Variants in PPP1R14C observed in about 807,000 individuals in gnomAD.
PPP1R14C encodes protein phosphatase 1 regulatory subunit 14C.
A neutral mutation model predicts 20.4 loss-of-function variants in PPP1R14C; 16 were observed. The observed-to-expected ratio is 0.78, with a 90% CI of 0.53 to 1.19. PPP1R14C has a LOEUF of 1.19. PPP1R14C is among the 50% of genes most tolerant of loss of function. The pLI is 0.00. For synonymous variants in PPP1R14C, 91 were observed against 91.0 expected, an observed-to-expected ratio of 1.00 and a Z score of 0.00; for missense variants, 211 against 220.1, an observed-to-expected ratio of 0.96 and a Z score of 0.26.
intron 3 of PPP1R14C, among the ~76,000 whole-genome samples, chr6:150,236,842 G>A (rs963926331): frequency 4.6e-5 from 7 of 152,106 alleles, no homozygotes; most frequent in South Asian, 2.1e-4. Context: ...GGGGAGGAGC[G>A]GTCCCAGGCA....
At chr6:150,149,966 T>C (rs1250061988) in intron 1 of PPP1R14C, among the ~76,000 whole-genome samples, 1 of 152,206 alleles carries the variant, frequency 6.6e-6, no homozygotes, top group Non-Finnish European at 1.5e-5. Context: ...GCAGGGAAGT[T>C]AGACTGTAAC....
At chr6:150,183,449 G>A (rs1188242030) in intron 1 of PPP1R14C, among the ~76,000 whole-genome samples, 1 of 152,184 alleles carries the variant, frequency 6.6e-6, no homozygotes, top group Non-Finnish European at 1.5e-5. Context: ...TCGTAGTACA[G>A]AGAAAGTTAT....
At chr6:150,219,054 CA>C (rs1268334602) in intron 3 of PPP1R14C, among the ~76,000 whole-genome samples, 2 of 151,656 alleles carry the variant, frequency 1.3e-5, no homozygotes, top group East Asian at 3.9e-4. Context: ...AATTCCTTTT[CA>C]TCTATACCCT....
intron 1 of PPP1R14C, among the ~76,000 whole-genome samples, chr6:150,187,900 T>C (rs948713778): frequency 6.6e-6 from 1 of 152,248 alleles, no homozygotes; most frequent in African/African-American, 2.4e-5. Context: ...CTTGGCATGA[T>C]TTGTATTTCT....
At chr6:150,245,267 T>A (rs1223088270) in intron 3 of PPP1R14C, among the ~76,000 whole-genome samples, 3 of 152,238 alleles carry the variant, frequency 2.0e-5, no homozygotes, top group South Asian at 2.1e-4. Flanking sequence ...CCTGGAGTAC[T>A]GCTGTAGCTT....
chr6:150,143,611 C>A lies in PPP1R14C; in HGVS notation c.306+113C>A. 1 of 781,762 alleles carries A rather than the reference C, an allele frequency of 1.3e-6. No individual in the cohort carries two copies. The highest frequency in any genetic ancestry group is 2.0e-6 in the Non-Finnish European group (1 of 504,022). 48.4% of individuals were successfully genotyped at this position (781,762 alleles called of 1,614,324 possible). On this transcript the variant is annotated intron_variant, in intron 1 of 3. Transcript: ENST00000361131. The surrounding 1 kb of genome is among the most constrained non-coding windows in gnomAD (Gnocchi z 5.6). ...CGCGCATGTCCCTGACTCCCGGGGA[C>A]CAAGTGCCAGGAGCGAGGCGCGGCG... is the stretch of plus-strand genomic sequence containing the variant.
chr6:150,163,252 A>G lies in PPP1R14C; in HGVS notation c.306+19754A>G, dbSNP rs1777390073. Among the ~76,000 whole-genome samples, 3 of 152,034 alleles carry G rather than the reference A, an allele frequency of 2.0e-5. No homozygotes were observed. The South Asian group carries it at 6.2e-4, about 32-fold the overall frequency. On this transcript the variant is annotated intron_variant, in intron 1 of 3. Transcript: ENST00000361131. Reference sequence around the variant, plus strand: ...TAAAAGTACAAAAAATTAGCCGGGCATGGTGGCGGGCGCCTGTAGTCCCAG... The same window carrying G: ...TAAAAGTACAAAAAATTAGCCGGGCGTGGTGGCGGGCGCCTGTAGTCCCAG...
intron 1 of PPP1R14C, among the ~76,000 whole-genome samples, chr6:150,189,738 C>T (rs1007210026): frequency 2.6e-5 from 4 of 152,142 alleles, no homozygotes; most frequent in East Asian, 1.9e-4. Flanking sequence ...TTGAAACCTT[C>T]GAAACCTTTC....
chr6:150,246,736 A>G (rs1476705654), intron 3 of PPP1R14C, among the ~76,000 whole-genome samples: 1 of 152,230 alleles, frequency 6.6e-6, no homozygotes. Context: ...ATAATTTTGA[A>G]AAGTCAGGAG....
At chr6:150,154,168 A>G (rs1009280341) in intron 1 of PPP1R14C, among the ~76,000 whole-genome samples, 6 of 152,238 alleles carry the variant, frequency 3.9e-5, no homozygotes, top group African/African-American at 1.4e-4. Context: ...CTGACATTAG[A>G]TTGCAAATGA....
intron 1 of PPP1R14C, among the ~76,000 whole-genome samples, chr6:150,177,951 C>A (rs1392667390): frequency 1.3e-5 from 2 of 152,168 alleles, no homozygotes; most frequent in Non-Finnish European, 2.9e-5. Context: ...TTAGCCCCAG[C>A]GGGGATATAA....
intron 1 of PPP1R14C, among the ~76,000 whole-genome samples, chr6:150,152,076 C>G (rs759203101): frequency 6.7e-6 from 1 of 148,996 alleles, no homozygotes; most frequent in African/African-American, 2.5e-5. Context: ...GCCGAGATCC[C>G]GCCAATGCAC....
chr6:150,224,096 G>A (rs1373453215), intron 3 of PPP1R14C, among the ~76,000 whole-genome samples: 4 of 152,156 alleles, frequency 2.6e-5, no homozygotes, highest in African/African-American at 9.7e-5. Flanking sequence ...AGGATCATTT[G>A]TTGAAAAGCC....
At chr6:150,222,274 T>C (rs1778177937) in intron 3 of PPP1R14C, among the ~76,000 whole-genome samples, 1 of 149,044 alleles carries the variant, frequency 6.7e-6, no homozygotes, top group Non-Finnish European at 1.5e-5. Flanking sequence ...TAAAAGATAA[T>C]TTTAAGTAGA....
intron 1 of PPP1R14C, among the ~76,000 whole-genome samples, chr6:150,162,078 C>T (rs369569414): frequency 2.2e-5 from 3 of 135,858 alleles, no homozygotes; most frequent in Middle Eastern, 3.9e-3. Context: ...TTTTTTGAGA[C>T]GGAGTCTTGG....
At chr6:150,214,622 G>C in intron 1 of PPP1R14C, 122 bp from the exon 2 acceptor site, 2 of 651,080 alleles carry the variant, frequency 3.1e-6, no homozygotes, top group Non-Finnish European at 5.3e-6. Flanking sequence ...CCTTCCCCCT[G>C]CTTATCTGTC....
At chr6:150,197,642 G>A (rs987404429) in intron 1 of PPP1R14C, among the ~76,000 whole-genome samples, 9 of 152,400 alleles carry the variant, frequency 5.9e-5, no homozygotes, top group African/African-American at 2.2e-4. Flanking sequence ...CCAATGTGGA[G>A]GCAATCTGGC....
intron 1 of PPP1R14C, among the ~76,000 whole-genome samples, chr6:150,174,476 A>G (rs546566876): frequency 8.3e-4 from 126 of 151,786 alleles, no homozygotes; most frequent in African/African-American, 2.9e-3. Context: ...TTGGCCTCCC[A>G]AAGTGCTGGG....
Position 150,187,790 on chromosome 6 carries a change from A to AT in PPP1R14C, c.307-26948dup, listed in dbSNP as rs1290636603. On this transcript the variant is annotated intron_variant, in intron 1 of 3. Coordinates refer to ENST00000361131, the MANE Select transcript of PPP1R14C (RefSeq NM_030949.3). ...CTGTCTTTATGATAGAACGATTTAT[A>AT]TTTTTTGACTACAGGATCTTGACAA... is the stretch of plus-strand genomic sequence containing the variant. Among the ~76,000 whole-genome samples the AT allele has an allele frequency of 1.2e-4, 18 of 152,278 alleles. No individual in the cohort carries two copies. In the South Asian group the frequency reaches 2.5e-3, roughly 21 times the overall value.
Sources: allele counts gnomAD v4.1 joint callset (sites outside exome capture counted in the v4.1 genomes callset), GRCh38; gene constraint gnomAD v4.1.1; non-coding constraint Gnocchi (gnomAD v3.1); transcripts MANE v1.5; gene names NCBI Gene and HGNC (gene_info 2026-07-23, HGNC 2026-07-21).